CDH11: variants seen among roughly 807,000 people sequenced by gnomAD.
The protein encoded by CDH11 is cadherin-11.
In CDH11, 11 loss-of-function variants were observed where a neutral mutation model predicts 67.8. The observed-to-expected ratio is 0.16, with a 90% CI of 0.10 to 0.27. The LOEUF (loss-of-function observed/expected upper bound fraction) is 0.27. CDH11 is among the 10% of genes least tolerant of loss of function. CDH11 has a pLI of 1.00. For synonymous variants in CDH11, 419 were observed against 400.0 expected (o/e 1.05, Z -0.57); for missense variants, 847 against 1,031.2 (o/e 0.82, Z 2.45).
At chr16:65,032,945 G>A (rs1567539182) in intron 2 of CDH11, among the ~76,000 whole-genome samples, 2 of 152,132 alleles carry the variant, frequency 1.3e-5, no homozygotes, top group Admixed American at 1.3e-4. Context: ...GCAGCAATTA[G>A]GCATCTTCTA....
chr16:65,020,761 T>A (rs1388147443), intron 2 of CDH11, among the ~76,000 whole-genome samples: 1 of 152,204 alleles, frequency 6.6e-6, no homozygotes, highest in Non-Finnish European at 1.5e-5. Flanking sequence ...GTCAGTTAGA[T>A]CTCTTTTCTA....
At chr16:65,005,475 G>T (rs778986140) in intron 2 of CDH11, among the ~76,000 whole-genome samples, 1 of 152,206 alleles carries the variant, frequency 6.6e-6, no homozygotes, top group Non-Finnish European at 1.5e-5. Flanking sequence ...AATAAGAAAG[G>T]AGAGTGTGGG....
At chr16:65,070,107 C>T (rs1202805375) in intron 1 of CDH11, among the ~76,000 whole-genome samples, 1 of 152,154 alleles carries the variant, frequency 6.6e-6, no homozygotes, top group African/African-American at 2.4e-5. Flanking sequence ...TGTGGCAAAT[C>T]CCTTTGCACT....
Position 64,947,158 on chromosome 16 carries a change from GT to G in CDH11, c.*444del. 4.8e-6 allele frequency: 5 copies of G among 1,047,474 alleles called. No homozygotes were observed. Among genetic ancestry groups the G allele is most frequent in the Non-Finnish European group, 5.8e-6 (5 of 866,294 alleles). The allele number at this position is 1,047,474 out of a possible 1,614,324, so 64.9% of individuals were successfully genotyped here. On this transcript the variant is annotated 3_prime_UTR_variant, in exon 13 of 13. Transcript: ENST00000268603. ...GCTGGCTGAATATTATATATTTCAAGTTTAAAAATGCACTACATATAGAGTG... is the reference window on the plus strand; with the variant it reads ...GCTGGCTGAATATTATATATTTCAAGTTAAAAATGCACTACATATAGAGTG...
rs142036126 is a variant in CDH11 at position 65,018,138 on chromosome 16, G to A, written c.-172-13097C>T. On this transcript the variant is annotated intron_variant, in intron 2 of 12. Coordinates refer to ENST00000268603, the MANE Select transcript of CDH11 (RefSeq NM_001797.4). ...AATTTATCTGTGCCTGCAAGTACTT[G>A]AATGAGTTTGGTGACTCCTTCTCCA... Among the ~76,000 whole-genome samples the A allele has an allele frequency of 2.2e-3, 341 of 152,248 alleles. 3 individuals are homozygous for A. The highest frequency in any genetic ancestry group is 7.5e-3 in the African/African-American group (313 of 41,564).
Position 64,947,708 on chromosome 16 carries a change from G to C in CDH11, c.2286C>G (p.Thr762=). 1 of 1,614,018 alleles carries C rather than the reference G, an allele frequency of 6.2e-7. No homozygotes were observed. Among genetic ancestry groups the C allele is most frequent in the Non-Finnish European group, 8.5e-7 (1 of 1,179,934 alleles). Reference sequence around the variant, plus strand: ...AATCATAGTCCAAGTCTGAATCTGTGGTGGCCGACTCTAGGGAGCTCAGGG... The same window carrying C: ...AATCATAGTCCAAGTCTGAATCTGTCGTGGCCGACTCTAGGGAGCTCAGGG... ...AGSLSSLESA[T]TDSDLDYDYL... Residue 762 remains threonine (T), a synonymous_variant, in exon 13 of 13, where the codon ACC becomes ACG. Coordinates refer to ENST00000268603, the MANE Select transcript of CDH11 (RefSeq NM_001797.4).
intron 7 of CDH11, chr16:64,986,961 C>T (rs947581571): frequency 2.6e-5 from 4 of 152,146 alleles, no homozygotes; most frequent in East Asian, 1.9e-4. Context: ...TGGTCCTTCC[C>T]TCCTCTTTAG....
chr16:65,049,753 G>A (rs1026800622), intron 2 of CDH11, among the ~76,000 whole-genome samples: 1 of 152,126 alleles, frequency 6.6e-6, no homozygotes, highest in Non-Finnish European at 1.5e-5. Context: ...ACACATTGAA[G>A]AGCTACAATG....
chr16:65,049,034 A>G (rs978080503), intron 2 of CDH11, among the ~76,000 whole-genome samples: 2 of 152,140 alleles, frequency 1.3e-5, no homozygotes, highest in African/African-American at 4.8e-5. Context: ...TGGCAATAAT[A>G]GACACTGGGG....
chr16:65,079,047 T>C (rs1394479379), intron 1 of CDH11, among the ~76,000 whole-genome samples: 1 of 152,200 alleles, frequency 6.6e-6, no homozygotes, highest in Non-Finnish European at 1.5e-5. Flanking sequence ...ACTTCATGAA[T>C]TTTGACAAAG....
At chr16:65,017,143 A>G (rs903851564) in intron 2 of CDH11, among the ~76,000 whole-genome samples, 4 of 152,098 alleles carry the variant, frequency 2.6e-5, no homozygotes, top group African/African-American at 9.7e-5. Context: ...TGTGATCTGT[A>G]TCTTGTGAAA....
intron 2 of CDH11, among the ~76,000 whole-genome samples, chr16:65,032,354 G>A (rs2073660300): frequency 6.6e-6 from 1 of 151,832 alleles, no homozygotes; most frequent in South Asian, 2.1e-4. Context: ...TCCAGGCATG[G>A]GGGTGGCATG....
chr16:65,065,197 C>T (rs754138939), intron 1 of CDH11, among the ~76,000 whole-genome samples: 11 of 152,154 alleles, frequency 7.2e-5, no homozygotes. Context: ...GAAAGTAGGT[C>T]TTCACAAAGA....
chr16:65,019,962 C>T (rs1041076454), intron 2 of CDH11, among the ~76,000 whole-genome samples: 1 of 151,834 alleles, frequency 6.6e-6, no homozygotes, highest in African/African-American at 2.4e-5. Flanking sequence ...ACTTTCTTTA[C>T]ACACCTTGCA....
chr16:65,066,204 T>C lies in CDH11; in HGVS notation c.-297-12276A>G, dbSNP rs116389969. On this transcript the variant is annotated intron_variant, in intron 1 of 12. Coordinates refer to ENST00000268603, the MANE Select transcript of CDH11 (RefSeq NM_001797.4). The stretch of plus-strand genomic sequence containing the variant: ...TACTTTTGCCTCTGAACTGAATATC[T>C]CTTCCTCTTCCTTTTTCACAAACTT... 5.6e-3 allele frequency among the ~76,000 whole-genome samples: 846 copies of C among 152,330 alleles called. 11 individuals carry two copies. The highest frequency in any genetic ancestry group is 0.019 in the African/African-American group (784 of 41,582).
rs751801703 is a variant in CDH11 at position 64,947,501 on chromosome 16, A to G, written c.*102T>C. ...CTCTCTGTAAAACTTTGCCTGTTTT[A>G]AATGAGCCTTTCCTTGATTTAAAAA... On this transcript the variant is annotated 3_prime_UTR_variant, in exon 13 of 13. Coordinates refer to ENST00000268603, the MANE Select transcript of CDH11 (RefSeq NM_001797.4). The G allele has an allele frequency of 1.9e-5, 29 of 1,512,190 alleles. No homozygotes were observed. The highest frequency in any genetic ancestry group is 2.4e-5 in the Non-Finnish European group (27 of 1,133,578). 93.7% of individuals were successfully genotyped at this position (1,512,190 alleles called of 1,614,324 possible). A position where few individuals can be genotyped will look rare whatever the true frequency, so the allele number is the denominator to read the frequency against.
chr16:64,948,053 T>G lies in CDH11; in HGVS notation c.1941A>C (p.Pro647=). The change falls in exon 13 of 13, where the codon CCA becomes CCC. Residue 647 remains proline, a synonymous_variant. Coordinates refer to ENST00000268603, the MANE Select transcript of CDH11 (RefSeq NM_001797.4). ...FVTLRRQKKE[P]LIVFEEEDVR... ...CATCTTCTTCCTCAAAGACAATGAG[T>G]GGTTCTTTCTTTTGCCTTCTCAGGG... 6.2e-7 allele frequency: 1 copy of G among 1,613,952 alleles called. No individual in the cohort carries two copies. The highest frequency in any genetic ancestry group is 1.7e-5 in the Admixed American group (1 of 60,010).
At chr16:65,027,353 G>C (rs1597108110) in intron 2 of CDH11, among the ~76,000 whole-genome samples, 1 of 152,240 alleles carries the variant, frequency 6.6e-6, no homozygotes, top group Non-Finnish European at 1.5e-5. Flanking sequence ...CTCCGTAGGA[G>C]AAGCCTATGC....
intron 1 of CDH11, among the ~76,000 whole-genome samples, chr16:65,073,643 T>G (rs939674127): frequency 1.3e-5 from 2 of 152,140 alleles, no homozygotes; most frequent in African/African-American, 4.8e-5. Flanking sequence ...TCTTAAATTT[T>G]GGACCCTGGG....
Sources: gnomAD v4.1 joint callset for allele counts (sites outside exome capture counted in the v4.1 genomes callset) on GRCh38, gnomAD v4.1.1 for gene constraint, MANE v1.5 for transcripts, NCBI Gene and HGNC (gene_info 2026-07-23, HGNC 2026-07-21) for gene names.